Variants in ERI1 observed in about 807,000 individuals in gnomAD.
ERI1 encodes exoribonuclease 1.
A neutral mutation model predicts 39.7 loss-of-function variants in ERI1; 39 were observed. The observed-to-expected ratio is 0.98, with a 90% confidence interval of 0.76 to 1.28. ERI1 has a LOEUF of 1.28. Among genes scored for constraint, ERI1 ranks in the 50% most tolerant of loss-of-function variants. The pLI, the probability that ERI1 is intolerant of heterozygous loss-of-function variation, is 0.00. For missense variants in ERI1, 581 were observed against 416.9 expected (o/e 1.39, Z -3.43); for synonymous variants, 204 against 149.6 (o/e 1.36, Z -2.65).
chr8:9,016,532 T>G, intron 4 of ERI1, 127 bp downstream of exon 4: 1 of 443,308 alleles, frequency 2.3e-6, no homozygotes, highest in Non-Finnish European at 3.9e-6. Flanking sequence ...GTAAAGATCT[T>G]TCATGTTGTA....
chr8:9,044,254 G>A (rs560036054), intron 3 of ERI1, among the ~76,000 whole-genome samples: 1 of 152,206 alleles, frequency 6.6e-6, no homozygotes, highest in African/African-American at 2.4e-5. Flanking sequence ...AGCATGGCAT[G>A]CTGGATGCAG....
chr8:9,097,109 C>G (rs1187548252), intron 3 of ERI1, among the ~76,000 whole-genome samples: 1 of 152,108 alleles, frequency 6.6e-6, no homozygotes, highest in Non-Finnish European at 1.5e-5. Context: ...TCTCTCTTCC[C>G]ATTTACACCC....
intron 3 of ERI1, among the ~76,000 whole-genome samples, chr8:9,061,772 G>C (rs1051202733): frequency 1.3e-5 from 2 of 151,620 alleles, no homozygotes; most frequent in Non-Finnish European, 2.9e-5. Flanking sequence ...AAGACATTTG[G>C]GCTTGACTGA....
chr8:9,014,612 T>A (rs537511910), intron 3 of ERI1, among the ~76,000 whole-genome samples: 2 of 152,374 alleles, frequency 1.3e-5, no homozygotes, highest in African/African-American at 4.8e-5. Context: ...TTAAAAGTAT[T>A]TAGTAGCGAA....
At chr8:9,059,662 A>G (rs1798627024) in intron 3 of ERI1, among the ~76,000 whole-genome samples, 3 of 152,210 alleles carry the variant, frequency 2.0e-5, no homozygotes, top group Non-Finnish European at 4.4e-5. Context: ...ACATCTACCT[A>G]GAGAGTGCCT....
chr8:9,023,451 C>G (rs1818134043), intron 6 of ERI1, among the ~76,000 whole-genome samples: 1 of 152,050 alleles, frequency 6.6e-6, no homozygotes, highest in South Asian at 2.1e-4. Flanking sequence ...ATGCATAAAT[C>G]TACAGCTCAC....
downstream of ERI1, among the ~76,000 whole-genome samples, chr8:9,037,190 A>G (rs2979258): frequency 7.9e-5 from 12 of 152,104 alleles, no homozygotes; most frequent in African/African-American, 2.9e-4. Flanking sequence ...GCATATAAGA[A>G]CCTTCACAGT....
At chr8:9,096,593 G>T (rs1391490215) in intron 3 of ERI1, 1 of 152,116 alleles carries the variant, frequency 6.6e-6, no homozygotes, top group Non-Finnish European at 1.5e-5. Flanking sequence ...TCGGAAGTGT[G>T]GTCCAGCTGC....
chr8:9,025,595 T>G (rs145182153), intron 6 of ERI1, among the ~76,000 whole-genome samples: 25 of 152,356 alleles, frequency 1.6e-4, no homozygotes, highest in African/African-American at 5.0e-4. Flanking sequence ...TTGTCTAGAT[T>G]TCACATCATT....
intron 3 of ERI1, among the ~76,000 whole-genome samples, chr8:9,070,161 C>T (rs927072145): frequency 3.3e-5 from 5 of 151,988 alleles, no homozygotes; most frequent in African/African-American, 1.2e-4. Flanking sequence ...ATCACTTGAA[C>T]CTGGGAGGCA....
In ERI1 at chr8:9,026,782, A is replaced by G. The variant is rs552157603; in HGVS notation, c.808-3010A>G. ...TGTAATGTAAATGTTGAATATTTCA[A>G]AATCCAAAAAATTTCAAATCCAAAG... On this transcript the variant is annotated intron_variant, in intron 6 of 6. Coordinates refer to ENST00000250263, the MANE Select transcript of ERI1 (RefSeq NM_153332.4). Among the ~76,000 whole-genome samples the G allele has an allele frequency of 8.5e-5, 13 of 152,306 alleles. No homozygotes were observed. The South Asian group carries it at 2.3e-3, about 27-fold the overall frequency.
rs191765889 is a variant in ERI1 at position 9,052,355 on chromosome 8, G to C, written n.299+31891G>C. Among the ~76,000 whole-genome samples, 8 of 151,554 alleles carry C rather than the reference G, an allele frequency of 5.3e-5. No homozygotes were observed. In the East Asian group the frequency reaches 1.6e-3, roughly 29 times the overall value. ...CAATAAATCCCCTTTAAGCAAAATT[G>C]AGTCAGGCGTCTCTTGCTACCAAAA... is the stretch of plus-strand genomic sequence containing the variant. On this transcript the variant is annotated intron_variant and non_coding_transcript_variant, in intron 3 of 3. Transcript: ENST00000518663.
At chr8:9,093,745 T>C (rs140725721) in intron 3 of ERI1, among the ~76,000 whole-genome samples, 2 of 152,190 alleles carry the variant, frequency 1.3e-5, no homozygotes, top group African/African-American at 4.8e-5. Context: ...TTTTTTTTTG[T>C]TTTGTATTTT....
intron 6 of ERI1, among the ~76,000 whole-genome samples, chr8:9,021,256 C>T (rs1159423399): frequency 6.6e-6 from 1 of 152,224 alleles, no homozygotes; most frequent in Non-Finnish European, 1.5e-5. Context: ...TGAGAACACT[C>T]AGGTAGTCTG....
At chr8:9,046,828 A>G (rs906266302) in intron 3 of ERI1, among the ~76,000 whole-genome samples, 9 of 152,198 alleles carry the variant, frequency 5.9e-5, no homozygotes, top group East Asian at 1.9e-4. Context: ...CAGGGCCCAC[A>G]TCGGCCTCCC....
At position 9,030,911 on chromosome 8, in the gene ERI1, A is replaced by G. The variant is rs1239346452; in HGVS notation, c.*877A>G. The G allele has an allele frequency of 6.6e-6, 1 of 152,196 alleles. No individual in the cohort carries two copies. Among genetic ancestry groups the G allele is most frequent in the Non-Finnish European group, 1.5e-5 (1 of 68,012 alleles). 9.4% of individuals were successfully genotyped at this position (152,196 alleles called of 1,614,324 possible). On this transcript the variant is annotated 3_prime_UTR_variant, in exon 7 of 7. Coordinates refer to ENST00000250263, the MANE Select transcript of ERI1 (RefSeq NM_153332.4). The stretch of plus-strand genomic sequence containing the variant: ...AAGTCAATACTTTCTACCATATATT[A>G]CGTTTTTGTTATTAAAAAACTTCAT...
At chr8:9,028,234 A>T (rs767130640) in intron 6 of ERI1, among the ~76,000 whole-genome samples, 2 of 152,170 alleles carry the variant, frequency 1.3e-5, no homozygotes, top group Non-Finnish European at 2.9e-5. Context: ...TCAGTTACTG[A>T]TTCAGTCTCC....
intron 3 of ERI1, among the ~76,000 whole-genome samples, chr8:9,085,372 C>T (rs1404034617): frequency 1.3e-5 from 2 of 152,052 alleles, no homozygotes; most frequent in East Asian, 3.9e-4. Flanking sequence ...CCATGCCTGG[C>T]TAATTTTTGT....
At chr8:9,082,028 G>A (rs1037816210) in intron 3 of ERI1, among the ~76,000 whole-genome samples, 1 of 152,098 alleles carries the variant, frequency 6.6e-6, no homozygotes. Context: ...TAAAGTCACT[G>A]TGTCCCCCCA....
Sources: gnomAD v4.1 joint callset for allele counts (sites outside exome capture counted in the v4.1 genomes callset) on GRCh38, gnomAD v4.1.1 for gene constraint, MANE v1.5 for transcripts, NCBI Gene and HGNC (gene_info 2026-07-23, HGNC 2026-07-21) for gene names.